The following CHAMP1 variants were observed in gnomAD, a reference collection of about 807,000 sequenced individuals.
The protein encoded by CHAMP1 is chromosome alignment maintaining phosphoprotein 1, also known as chromosome alignment-maintaining phosphoprotein 1.
Under a neutral mutation model 54.5 loss-of-function variants are expected in CHAMP1, and 4 were observed. The ratio of observed to expected loss-of-function variants is 0.07; its 90% CI spans 0.04 to 0.17. CHAMP1 has a LOEUF of 0.17. Ranked by LOEUF, CHAMP1 falls within the 10% of genes least tolerant of loss-of-function variation. The pLI, the probability that CHAMP1 is intolerant of heterozygous loss-of-function variation, is 1.00. For missense variants in CHAMP1, 994 were observed against 968.6 expected (o/e 1.03, Z -0.35); for synonymous variants, 368 against 342.2 (o/e 1.08, Z -0.83).
chr13:114,316,298 G>A (rs2087098777), intron 1 of CHAMP1, among the ~76,000 whole-genome samples: 1 of 151,034 alleles, frequency 6.6e-6, no homozygotes, highest in African/African-American at 2.4e-5. Context: ...CAAGTAGCTG[G>A]GATTACAGGC....
intron 1 of CHAMP1, 105 bp from the exon 2 acceptor site, chr13:114,321,005 T>A (rs2087162017): frequency 6.6e-6 from 1 of 150,610 alleles, no homozygotes; most frequent in African/African-American, 2.4e-5. Flanking sequence ...CTCTCACTGT[T>A]AGGGCAGGAT....
intron 1 of CHAMP1, among the ~76,000 whole-genome samples, chr13:114,319,827 T>C (rs1555378921): frequency 2.0e-5 from 3 of 151,372 alleles, no homozygotes; most frequent in African/African-American, 7.3e-5. Flanking sequence ...AGACAGGGAG[T>C]GTAAAGGAGA....
At chr13:114,317,237 C>T (rs1273913299) in intron 1 of CHAMP1, among the ~76,000 whole-genome samples, 1 of 152,222 alleles carries the variant, frequency 6.6e-6, no homozygotes, top group Admixed American at 6.5e-5. Flanking sequence ...GTTGGCCAGG[C>T]TGGTCACGAA....
At chr13:114,317,120 C>T (rs1392492336) in intron 1 of CHAMP1, among the ~76,000 whole-genome samples, 1 of 152,026 alleles carries the variant, frequency 6.6e-6, no homozygotes, top group East Asian at 1.9e-4. Flanking sequence ...CGGGTTCAAG[C>T]GATTCTCCTG....
intron 1 of CHAMP1, among the ~76,000 whole-genome samples, chr13:114,315,012 G>T (rs2087077521): frequency 6.6e-6 from 1 of 152,224 alleles, no homozygotes; most frequent in Admixed American, 6.5e-5. Flanking sequence ...AGCCTCCAAA[G>T]TGGGAGAGGA....
chr13:114,321,459 G>A (rs1002818171), intron 2 of CHAMP1, among the ~76,000 whole-genome samples: 4 of 152,096 alleles, frequency 2.6e-5, no homozygotes, highest in East Asian at 1.9e-4. Flanking sequence ...GGTAGGCAGC[G>A]GGAAGAGGAG....
Position 114,324,800 on chromosome 13 carries a change from C to T in CHAMP1, c.958C>T (p.Pro320Ser). Residue 320 changes from proline to serine, a missense_variant, in exon 3 of 3, where the codon CCT becomes TCT. Physicochemically the swap from Pro to Ser is moderately conservative, Grantham distance 74 (BLOSUM62 -1). Coordinates refer to ENST00000361283, the MANE Select transcript of CHAMP1 (RefSeq NM_032436.4). Reference protein sequence around the residue: ...GSWKPGPPGSPRPWKSNPSAS... With the variant: ...GSWKPGPPGSSRPWKSNPSAS... The stretch of plus-strand genomic sequence containing the variant: ...TTGGAAACCAGGGCCACCTGGGTCC[C>T]CTAGGCCTTGGAAATCCAATCCTTC... 6.2e-7 allele frequency: 1 copy of T among 1,614,106 alleles called. No homozygotes were observed. The highest frequency in any genetic ancestry group is 2.2e-5 in the East Asian group (1 of 44,888).
chr13:114,321,090 T>C lies in CHAMP1; in HGVS notation c.-178-20T>C, dbSNP rs2087163769. On this transcript the variant is annotated intron_variant, in intron 1 of 2. Transcript: ENST00000361283. ...GATATAGTTTTGATTACTTTTCTTT[T>C]TTTTTTTTTTTTTTTCCAGGTTCAA... 8.0e-6 allele frequency: 1 copy of C among 125,112 alleles called. No individual in the cohort carries two copies. The highest frequency in any genetic ancestry group is 2.7e-5 in the African/African-American group (1 of 37,438). The allele number at this position is 125,112 out of a possible 1,614,324, so 7.8% of individuals were successfully genotyped here.
rs1041268831 is a variant in CHAMP1 at position 114,314,630 on chromosome 13, C to G, written c.-192C>G. On this transcript the variant is annotated 5_prime_UTR_variant, in exon 1 of 3. Transcript: ENST00000361283. ...CGGTCCATCGCCCACTGGACGCCGCCCGCGGCCGGACCGGTGAGGAGCGAG... is the reference window on the plus strand; with the variant it reads ...CGGTCCATCGCCCACTGGACGCCGCGCGCGGCCGGACCGGTGAGGAGCGAG... 2.6e-5 allele frequency: 4 copies of G among 152,012 alleles called. No homozygotes were observed. Among genetic ancestry groups the G allele is most frequent in the Non-Finnish European group, 5.9e-5 (4 of 67,976 alleles). The allele number at this position is 152,012 out of a possible 1,614,324, so 9.4% of individuals were successfully genotyped here. A position where few individuals can be genotyped will look rare whatever the true frequency, so the allele number is the denominator to read the frequency against.
At position 114,326,488 on chromosome 13, in the gene CHAMP1, T is replaced by G. The variant is rs2087253516; in HGVS notation, c.*207T>G. The G allele has an allele frequency of 1.1e-5, 6 of 521,962 alleles. No individual in the cohort carries two copies. Among genetic ancestry groups the G allele is most frequent in the Non-Finnish European group, 2.0e-5 (6 of 299,530 alleles). The allele number at this position is 521,962 out of a possible 1,614,324, so 32.3% of individuals were successfully genotyped here. On this transcript the variant is annotated 3_prime_UTR_variant, in exon 3 of 3. Coordinates refer to ENST00000361283, the MANE Select transcript of CHAMP1 (RefSeq NM_032436.4). ...ACTATCTTGTAAGTCAATAAATTTC[T>G]GTATAGTCCAGATGGATTAAACTTC...
At chr13:114,317,963 G>C (rs2087119081) in intron 1 of CHAMP1, among the ~76,000 whole-genome samples, 1 of 152,194 alleles carries the variant, frequency 6.6e-6, no homozygotes, top group Non-Finnish European at 1.5e-5. Context: ...GGACAATTCT[G>C]AGTTAATTTT....
intron 1 of CHAMP1, among the ~76,000 whole-genome samples, chr13:114,320,366 T>G (rs2087151852): frequency 6.6e-6 from 1 of 152,132 alleles, no homozygotes; most frequent in Non-Finnish European, 1.5e-5. Flanking sequence ...CCTCCCAGAG[T>G]CCTTTCTTTT....
chr13:114,322,693 G>A (rs1555379231), intron 2 of CHAMP1: 1 of 152,118 alleles, frequency 6.6e-6, no homozygotes, highest in African/African-American at 2.4e-5. Context: ...ATAAGTACAG[G>A]GAAAGTCAGT....
chr13:114,322,098 C>T (rs1257074673), intron 2 of CHAMP1: 7 of 141,216 alleles, frequency 5.0e-5, no homozygotes, highest in Admixed American at 1.5e-4. Context: ...TGGAATGCAG[C>T]GGCATGATCT....
chr13:114,322,799 G>A (rs1222338600), intron 2 of CHAMP1: 2 of 152,202 alleles, frequency 1.3e-5, no homozygotes, highest in African/African-American at 4.8e-5. Context: ...TAAAGCATGT[G>A]TGTTGATCAA....
At chr13:114,321,270 T>G (rs993498279) in intron 2 of CHAMP1, 38 bp downstream of exon 2, 2 of 151,274 alleles carry the variant, frequency 1.3e-5, no homozygotes, top group Non-Finnish European at 2.9e-5. Flanking sequence ...GGAGAATATT[T>G]TATGAGGAGA....
At position 114,324,766 on chromosome 13, in the gene CHAMP1, A is replaced by C; in HGVS notation, c.924A>C (p.Ser308=). ...CTAGGAGACCAGCCCCCGCTGTGTCACCAGGCTCTTGGAAACCAGGGCCAC... is the reference window on the plus strand; with the variant it reads ...CTAGGAGACCAGCCCCCGCTGTGTCCCCAGGCTCTTGGAAACCAGGGCCAC... The part of the protein sequence containing the change: ...PEPRRPAPAV[S]PGSWKPGPPG... The change falls in exon 3 of 3, where the codon TCA becomes TCC. Residue 308 remains serine, a synonymous_variant. Transcript: ENST00000361283. 6.2e-7 allele frequency: 1 copy of C among 1,613,948 alleles called. No individual in the cohort carries two copies. The highest frequency in any genetic ancestry group is 8.5e-7 in the Non-Finnish European group (1 of 1,179,884).
intron 1 of CHAMP1, among the ~76,000 whole-genome samples, chr13:114,317,052 T>C (rs2087107842): frequency 6.6e-6 from 1 of 152,124 alleles, no homozygotes; most frequent in Non-Finnish European, 1.5e-5. Context: ...GGAGTCTTAC[T>C]CTGTTGCCCA....
chr13:114,326,148 G>T lies in CHAMP1; in HGVS notation c.2306G>T (p.Arg769Leu), dbSNP rs376247811. The change falls in exon 3 of 3, where the codon CGT becomes CTT. Residue 769 changes from arginine (R) to leucine (L), a missense_variant. Physicochemically the swap from Arg to Leu is moderately radical, Grantham distance 102. Transcript: ENST00000361283. Reference protein sequence around the residue: ...AHGQSLLKCPRCNFESNFPRG... With the variant: ...AHGQSLLKCPLCNFESNFPRG... ...GGGCAAAGTTTACTTAAATGTCCACGTTGTAATTTTGAATCAAATTTCCCA... is the reference window on the plus strand; with the variant it reads ...GGGCAAAGTTTACTTAAATGTCCACTTTGTAATTTTGAATCAAATTTCCCA... 1.1e-5 allele frequency: 17 copies of T among 1,613,060 alleles called. No homozygotes were observed. The highest frequency in any genetic ancestry group is 1.4e-5 in the Non-Finnish European group (16 of 1,179,470).
Sources: gnomAD v4.1 joint callset for allele counts (sites outside exome capture counted in the v4.1 genomes callset) on GRCh38, gnomAD v4.1.1 for gene constraint, MANE v1.5 for transcripts, NCBI Gene and HGNC (gene_info 2026-07-23, HGNC 2026-07-21) for gene names.